The following APBA1 variants were observed in gnomAD, a reference collection of about 807,000 sequenced individuals.
APBA1 encodes amyloid-beta A4 precursor protein-binding family A member 1.
APBA1 carries 55 observed loss-of-function variants against 86.6 expected under a neutral mutation model. That is an observed-to-expected ratio of 0.64 (90% CI 0.51 to 0.80). The LOEUF (loss-of-function observed/expected upper bound fraction) is 0.80, where lower values mean the gene tolerates loss of function less well. APBA1 is among the 30% of genes least tolerant of loss of function. The pLI, the probability that APBA1 is intolerant of heterozygous loss-of-function variation, is 0.00. For synonymous variants in APBA1, 511 were observed against 493.9 expected (o/e 1.03, Z -0.46); for missense variants, 1,090 against 1,183.0 (o/e 0.92, Z 1.15).
At chr9:69,575,642 T>C (rs3927537) in intron 1 of APBA1, among the ~76,000 whole-genome samples, 15,895 of 152,006 alleles carry the variant, frequency 0.1, 1,464 homozygotes, top group African/African-American at 0.25. Flanking sequence ...GCTGGGAAAA[T>C]TGGCTAGCCA....
chr9:69,542,481 T>G (rs1241338294), intron 1 of APBA1, among the ~76,000 whole-genome samples: 1 of 152,232 alleles, frequency 6.6e-6, no homozygotes, highest in Non-Finnish European at 1.5e-5. Flanking sequence ...CTGAATAATA[T>G]TTCATTGTAT....
Position 69,672,297 on chromosome 9 carries a change from C to T in APBA1, c.-214G>A. 1 of 176,130 alleles carries T rather than the reference C, an allele frequency of 5.7e-6. No homozygotes were observed. The allele number at this position is 176,130 out of a possible 1,614,324, so 10.9% of individuals were successfully genotyped here. Reference sequence around the variant, plus strand: ...CTCCCGCCGCAGCTGCCGCCGCCGCCGCCGCCGCCGGGACCGCAGCCGCCC... The same window carrying T: ...CTCCCGCCGCAGCTGCCGCCGCCGCTGCCGCCGCCGGGACCGCAGCCGCCC... On this transcript the variant is annotated 5_prime_UTR_variant, in exon 1 of 13. Transcript: ENST00000265381.
intron 4 of APBA1, among the ~76,000 whole-genome samples, 184 bp from the exon 5 acceptor site, chr9:69,468,152 A>G (rs1835310749): frequency 6.6e-6 from 1 of 152,220 alleles, no homozygotes; most frequent in Admixed American, 6.5e-5. Flanking sequence ...TAGAAGGCAC[A>G]GTTTCTAAAA....
At chr9:69,619,995 A>C (rs1822783316) in intron 1 of APBA1, among the ~76,000 whole-genome samples, 1 of 152,230 alleles carries the variant, frequency 6.6e-6, no homozygotes, top group East Asian at 1.9e-4. Flanking sequence ...ATGAGGGAAC[A>C]AAAGATTCCC....
rs372887935 is a variant in APBA1 at position 69,638,225 on chromosome 9, ATTTTGTTTTTGT to A, written c.-70+33916_-70+33927del. Reference sequence around the variant, plus strand: ...TTATGAATGAAATGCTCAAGTGCATATTTTGTTTTTGTTTTTGTTTTTGTTTTTGTTTTGAGA... The same window carrying A: ...TTATGAATGAAATGCTCAAGTGCATATTTTGTTTTTGTTTTTGTTTTGAGA... On this transcript the variant is annotated intron_variant, in intron 1 of 12. Transcript: ENST00000265381. Among the ~76,000 whole-genome samples the A allele has an allele frequency of 6.6e-4, 101 of 152,150 alleles. No homozygotes were observed. In the Middle Eastern group the frequency reaches 0.017, roughly 26 times the overall value.
intron 1 of APBA1, among the ~76,000 whole-genome samples, chr9:69,573,948 C>A (rs1821722618): frequency 6.6e-6 from 1 of 152,128 alleles, no homozygotes; most frequent in Non-Finnish European, 1.5e-5. Context: ...CTCCTTTAAC[C>A]CCAGTTATGA....
chr9:69,456,372 C>T lies in APBA1; in HGVS notation c.1663G>A (p.Val555Ile), dbSNP rs1447086565. The T allele has an allele frequency of 1.9e-6, 3 of 1,613,714 alleles. No homozygotes were observed. Among genetic ancestry groups the T allele is most frequent in the Non-Finnish European group, 2.5e-6 (3 of 1,179,774 alleles). ...ISYIADIGNI[V>I]VLMARRRMPR... is the part of the protein sequence containing the mutation. ...ATCCGCCGGCGGGCCATCAGCACAA[C>T]GATGTTCCCAATGTCCGCAATGTAG... Residue 555 changes from valine (V) to isoleucine (I), a missense_variant, in exon 8 of 13, where the codon GTT becomes ATT. By Grantham distance (29) the Val-to-Ile change is conservative. Coordinates refer to ENST00000265381, the MANE Select transcript of APBA1 (RefSeq NM_001163.4).
At chr9:69,584,407 C>T (rs1821978841) in intron 1 of APBA1, among the ~76,000 whole-genome samples, 1 of 152,208 alleles carries the variant, frequency 6.6e-6, no homozygotes. Context: ...CCTCTATTCA[C>T]TCAATAAATG....
At position 69,447,612 on chromosome 9, in the gene APBA1, T is replaced by C. The variant is rs182775318; in HGVS notation, c.2181+1972A>G. The stretch of plus-strand genomic sequence containing the variant: ...AGAAGTACTGCCCCATGGTCTGGCC[T>C]TGGGCCTAGCATTTCACCTGACACC... On this transcript the variant is annotated intron_variant, in intron 10 of 12. Coordinates refer to ENST00000265381, the MANE Select transcript of APBA1 (RefSeq NM_001163.4). Among the ~76,000 whole-genome samples the C allele has an allele frequency of 1.4e-3, 214 of 152,286 alleles. 1 individual carries two copies. The highest frequency in any genetic ancestry group is 5.0e-3 in the African/African-American group (208 of 41,558).
At chr9:69,450,051 C>A (rs1196992129) in intron 9 of APBA1, among the ~76,000 whole-genome samples, 1 of 144,650 alleles carries the variant, frequency 6.9e-6, no homozygotes, top group East Asian at 2.0e-4. Context: ...CCATGAGGAC[C>A]ACCAGTTTTT....
At chr9:69,663,722 T>C (rs994050760) in intron 1 of APBA1, among the ~76,000 whole-genome samples, 1 of 152,190 alleles carries the variant, frequency 6.6e-6, no homozygotes, top group African/African-American at 2.4e-5. Context: ...TGCTAATTAA[T>C]CCACATGGAA....
chr9:69,622,508 G>C (rs544706923), intron 1 of APBA1, among the ~76,000 whole-genome samples: 78 of 152,028 alleles, frequency 5.1e-4, no homozygotes, highest in African/African-American at 1.9e-3. Flanking sequence ...TCTAAGGCCA[G>C]TGCAAATTAA....
At chr9:69,456,559 C>T (rs906648417) in intron 7 of APBA1, 127 bp from the exon 8 acceptor site, 8 of 998,466 alleles carry the variant, frequency 8.0e-6, no homozygotes, top group African/African-American at 3.3e-5. Flanking sequence ...CACTGCAAAG[C>T]CCATGCTGAG....
rs560257969 is a variant in APBA1 at position 69,570,244 on chromosome 9, T to C, written c.-69-52965A>G. Among the ~76,000 whole-genome samples the C allele has an allele frequency of 5.9e-5, 9 of 152,304 alleles. No individual in the cohort carries two copies. In the East Asian group the frequency reaches 1.2e-3, roughly 20 times the overall value. On this transcript the variant is annotated intron_variant, in intron 1 of 12. Transcript: ENST00000265381. ...GACTCTGTGCCAGGCAGTGATGACA[T>C]GCATGAGAGTGAGACACAACCTCCA...
chr9:69,475,930 G>A, intron 3 of APBA1, 118 bp downstream of exon 3: 1 of 801,016 alleles, frequency 1.2e-6, no homozygotes, highest in Non-Finnish European at 2.1e-6. Flanking sequence ...AATCAGGATT[G>A]TTCTCACCAG....
chr9:69,571,898 C>T (rs755318061), intron 1 of APBA1, among the ~76,000 whole-genome samples: 8 of 152,056 alleles, frequency 5.3e-5, no homozygotes, highest in Admixed American at 2.6e-4. Flanking sequence ...TGACCTCTGC[C>T]GACTGCTGCA....
Position 69,648,775 on chromosome 9 carries a change from C to A in APBA1, c.-70+23378G>T, listed in dbSNP as rs556930762. Among the ~76,000 whole-genome samples the A allele has an allele frequency of 3.9e-5, 6 of 152,214 alleles. No homozygotes were observed. In the East Asian group the frequency reaches 1.2e-3, roughly 29 times the overall value. ...CATATGGATTAGTGAATCTCATTTC[C>A]AAATCTATGCTTGGTTAGCATAATC... On this transcript the variant is annotated intron_variant, in intron 1 of 12. Transcript: ENST00000265381.
chr9:69,552,907 C>CTTTTT (rs34026305), intron 1 of APBA1, among the ~76,000 whole-genome samples: 1 of 135,540 alleles, frequency 7.4e-6, no homozygotes. Flanking sequence ...CTTTCTTGGG[C>CTTTTT]TTTTTTTTTT....
chr9:69,618,005 C>T lies in APBA1; in HGVS notation c.-70+54148G>A, dbSNP rs185938465. Among the ~76,000 whole-genome samples the T allele has an allele frequency of 2.9e-3, 442 of 152,266 alleles. 4 individuals carry two copies. Among genetic ancestry groups the T allele is most frequent in the African/African-American group, 1.0e-2 (415 of 41,554 alleles). ...TAGACTAACCTAAGAGCAGCAAATA[C>T]ATTTTCTTAAATCTCAACTTTAATT... is the stretch of plus-strand genomic sequence containing the variant. On this transcript the variant is annotated intron_variant, in intron 1 of 12. Transcript: ENST00000265381.
Sources: gnomAD v4.1 joint callset for allele counts (sites outside exome capture counted in the v4.1 genomes callset) on GRCh38, gnomAD v4.1.1 for gene constraint, MANE v1.5 for transcripts, NCBI Gene and HGNC (gene_info 2026-07-23, HGNC 2026-07-21) for gene names.